AGMO: variants seen among roughly 807,000 people sequenced by gnomAD.
AGMO encodes alkylglycerol monooxygenase.
AGMO carries 75 observed loss-of-function variants against 60.2 expected under a neutral mutation model. The ratio of observed to expected loss-of-function variants is 1.25; its 90% CI spans 1.03 to 1.51. AGMO has a LOEUF of 1.51. Ranked by LOEUF, AGMO falls within the 40% of genes most tolerant of loss-of-function variation. AGMO has a pLI of 0.00. For synonymous variants in AGMO, 261 were observed against 177.1 expected (o/e 1.47, Z -3.76); for missense variants, 763 against 525.5 (o/e 1.45, Z -4.42).
intron 12 of AGMO, among the ~76,000 whole-genome samples, chr7:15,207,534 T>C (rs189797815): frequency 1.7e-3 from 261 of 152,348 alleles, no homozygotes; most frequent in African/African-American, 5.2e-3. Context: ...AATATTTTGA[T>C]ACACATACTC....
chr7:15,541,131 GT>G lies in AGMO; in HGVS notation c.409+3640del, dbSNP rs79835437. Among the ~76,000 whole-genome samples the G allele has an allele frequency of 8.9e-4, 135 of 151,818 alleles. 2 individuals carry two copies. Among genetic ancestry groups the G allele is most frequent in the East Asian group, 6.6e-3 (34 of 5,162 alleles). On this transcript the variant is annotated intron_variant, in intron 3 of 12. Coordinates refer to ENST00000342526, the MANE Select transcript of AGMO (RefSeq NM_001004320.2). The stretch of plus-strand genomic sequence containing the variant: ...TTTGTTTGTTTTTTTGTTTTTGTGG[GT>G]TTTTTTTGAGACGGGGTCTCGCTCT...
chr7:15,291,724 C>G (rs1199337329), intron 12 of AGMO, among the ~76,000 whole-genome samples: 1 of 152,062 alleles, frequency 6.6e-6, no homozygotes, highest in African/African-American at 2.4e-5. Context: ...CGGCCTAGCA[C>G]AGAAGATGAA....
chr7:15,270,978 T>A (rs1228678889), intron 12 of AGMO, among the ~76,000 whole-genome samples: 3 of 152,030 alleles, frequency 2.0e-5, no homozygotes, highest in Non-Finnish European at 4.4e-5. Flanking sequence ...TGTGTAGGTA[T>A]GTGCCTTTAT....
chr7:15,259,436 T>C (rs946557618), intron 12 of AGMO, among the ~76,000 whole-genome samples: 1 of 152,042 alleles, frequency 6.6e-6, no homozygotes, highest in Admixed American at 6.6e-5. Flanking sequence ...TAAGAATAAT[T>C]TGTGTTCCCA....
rs142864390 is a variant in AGMO at position 15,513,036 on chromosome 7, T to A, written c.409+31736A>T. On this transcript the variant is annotated intron_variant, in intron 3 of 12. Transcript: ENST00000342526. ...TTTGTAATCTAATTACTTGTGAGAT[T>A]GCCTTTATTTCCTTAAAGGTATTAC... Among the ~76,000 whole-genome samples, 25 of 152,360 alleles carry A rather than the reference T, an allele frequency of 1.6e-4. No homozygotes were observed. In the East Asian group the frequency reaches 4.6e-3, roughly 28 times the overall value.
chr7:15,424,727 AGAAG>A lies in AGMO; in HGVS notation c.514-6078_514-6075del, dbSNP rs1183216428. ...ATCTTTAAGTGCTGGTTGAGGGTGA[AGAAG>A]GAATGCCTTGGAGTTCCGAGGCAAA... On this transcript the variant is annotated intron_variant, in intron 4 of 12. Coordinates refer to ENST00000342526, the MANE Select transcript of AGMO (RefSeq NM_001004320.2). Among the ~76,000 whole-genome samples, 18 of 152,300 alleles carry A rather than the reference AGAAG, an allele frequency of 1.2e-4. No homozygotes were observed. The East Asian group carries it at 3.5e-3, about 29-fold the overall frequency.
At chr7:15,279,347 T>A (rs1001764622) in intron 12 of AGMO, among the ~76,000 whole-genome samples, 1 of 152,198 alleles carries the variant, frequency 6.6e-6, no homozygotes, top group Admixed American at 6.5e-5. Flanking sequence ...AATTCCAGCA[T>A]GCTCTCTTAG....
chr7:15,375,675 C>T (rs1276142233), intron 10 of AGMO, among the ~76,000 whole-genome samples: 2 of 152,054 alleles, frequency 1.3e-5, no homozygotes, highest in Admixed American at 6.6e-5. Context: ...GGATTACAGG[C>T]GTAAGCCACT....
intron 10 of AGMO, among the ~76,000 whole-genome samples, chr7:15,380,226 T>TA (rs1435279075): frequency 1.3e-5 from 2 of 152,196 alleles, no homozygotes; most frequent in African/African-American, 4.8e-5. Flanking sequence ...AAACTATCCC[T>TA]ATTTGCAGAC....
chr7:15,459,355 T>TC (rs1234464516), intron 3 of AGMO, among the ~76,000 whole-genome samples: 11 of 152,266 alleles, frequency 7.2e-5, no homozygotes, highest in Middle Eastern at 3.4e-3. Flanking sequence ...GAAAAGGTGC[T>TC]TCTGGGCAGG....
chr7:15,288,376 T>G, intron 12 of AGMO, among the ~76,000 whole-genome samples: 1 of 152,196 alleles, frequency 6.6e-6, no homozygotes, highest in East Asian at 1.9e-4. Context: ...CAGGGTTTTA[T>G]GGTGAGCAGG....
chr7:15,354,463 T>C (rs1292094203), intron 12 of AGMO, among the ~76,000 whole-genome samples: 2,473 of 20,136 alleles, frequency 0.12, 335 homozygotes, highest in African/African-American at 0.19. Flanking sequence ...TATACACACG[T>C]GTGTGTATAC....
intron 12 of AGMO, among the ~76,000 whole-genome samples, chr7:15,220,258 C>T (rs762245529): frequency 7.3e-6 from 1 of 136,866 alleles, no homozygotes. Context: ...GGATCTGTTG[C>T]CCCAGGCTGG....
Position 15,354,433 on chromosome 7 carries a change from T to TATATAGACGC in AGMO, c.1263+11080_1263+11081insGCGTCTATAT, listed in dbSNP as rs1782413140. Among the ~76,000 whole-genome samples, 12 of 24,714 alleles carry TATATAGACGC rather than the reference T, an allele frequency of 4.9e-4. 1 individual carries two copies. Among genetic ancestry groups the TATATAGACGC allele is most frequent in the Non-Finnish European group, 4.8e-4 (8 of 16,600 alleles). 16.2% of individuals were successfully genotyped at this position (24,714 alleles called of 152,430 possible). A position where few individuals can be genotyped will look rare whatever the true frequency, so the allele number is the denominator to read the frequency against. ...ACACGTGTGTGTATACACACACGTG[T>TATATAGACGC]GTGTATACACACGTGTGTGTATACA... On this transcript the variant is annotated intron_variant, in intron 12 of 12. Transcript: ENST00000342526.
At chr7:15,328,389 G>GC (rs1781409737) in intron 12 of AGMO, among the ~76,000 whole-genome samples, 1 of 152,244 alleles carries the variant, frequency 6.6e-6, no homozygotes, top group South Asian at 2.1e-4. Context: ...GAGCCACCAC[G>GC]CCCAGCCTGA....
the AGMO span, among the ~76,000 whole-genome samples, chr7:15,175,421 G>A: frequency 2.0e-5 from 3 of 152,034 alleles, no homozygotes; most frequent in East Asian, 5.8e-4. Context: ...ATTTTGGGGG[G>A]AAAATTCATG....
the AGMO span, among the ~76,000 whole-genome samples, chr7:15,122,581 C>G: frequency 8.5e-5 from 13 of 152,214 alleles, no homozygotes; most frequent in East Asian, 1.7e-3. Flanking sequence ...TAACCTGCTC[C>G]TCCAGAAATC....
At chr7:15,146,722 G>T in the AGMO span, among the ~76,000 whole-genome samples, 1 of 152,066 alleles carries the variant, frequency 6.6e-6, no homozygotes. Flanking sequence ...CTTTCTTTTT[G>T]GAGGACAAAT....
At chr7:15,548,796 G>C (rs559240878) in intron 2 of AGMO, among the ~76,000 whole-genome samples, 12 of 152,208 alleles carry the variant, frequency 7.9e-5, no homozygotes, top group Admixed American at 3.3e-4. Context: ...CCAACGTTCA[G>C]TTTCAGGAAA....
Sources: allele counts gnomAD v4.1 joint callset (sites outside exome capture counted in the v4.1 genomes callset), GRCh38; gene constraint gnomAD v4.1.1; transcripts MANE v1.5; gene names NCBI Gene and HGNC (gene_info 2026-07-23, HGNC 2026-07-21).